Variants in TMED10 observed in about 807,000 individuals in gnomAD.
The protein encoded by TMED10 is transmembrane emp24 domain-containing protein 10.
A neutral mutation model predicts 23.1 loss-of-function variants in TMED10; 7 were observed. The observed-to-expected ratio is 0.30, with a 90% confidence interval of 0.17 to 0.57. The LOEUF (loss-of-function observed/expected upper bound fraction) is 0.57, where lower values mean the gene tolerates loss of function less well. Ranked by LOEUF, TMED10 falls within the 20% of genes least tolerant of loss-of-function variation. TMED10 has a pLI of 0.91. For missense variants in TMED10, 162 were observed against 274.8 expected (o/e 0.59, Z 2.90); for synonymous variants, 113 against 106.9 (o/e 1.06, Z -0.35).
chr14:75,144,148 G>C (rs1026557312), intron 3 of TMED10, among the ~76,000 whole-genome samples: 4 of 152,218 alleles, frequency 2.6e-5, no homozygotes, highest in Non-Finnish European at 5.9e-5. Context: ...CAGCCCAGGA[G>C]TTAGAAGATG....
rs11540573 is a variant in TMED10 at position 75,152,077 on chromosome 14, T to C, written c.292A>G (p.Thr98Ala). 9 of 1,614,056 alleles carry C rather than the reference T, an allele frequency of 5.6e-6. No individual in the cohort carries two copies. The East Asian group carries it at 2.0e-4, about 36-fold the overall frequency. The part of the protein sequence containing the change: ...EDATKGKFAF[T>A]TEDYDMFEVC... ...TCAAACATGTCATAATCTTCAGTGG[T>C]AAAGGCAAATTTCCCCTTGGTTGCA... Residue 98 changes from threonine to alanine, a missense_variant, in exon 2 of 5, where the codon ACC becomes GCC. By Grantham distance (58) the Thr-to-Ala change is moderately conservative. Coordinates refer to ENST00000303575, the MANE Select transcript of TMED10 (RefSeq NM_006827.6).
intron 1 of TMED10, among the ~76,000 whole-genome samples, chr14:75,172,489 T>G (rs1026504772): frequency 7.2e-5 from 11 of 152,072 alleles, no homozygotes; most frequent in African/African-American, 1.9e-4. Flanking sequence ...TTTAAATTTT[T>G]AGTAGAGACG....
chr14:75,146,294 C>T (rs1228489791), intron 3 of TMED10, among the ~76,000 whole-genome samples: 1 of 152,182 alleles, frequency 6.6e-6, no homozygotes, highest in Non-Finnish European at 1.5e-5. Context: ...CTTCCTGTTG[C>T]AGAATTAACC....
Position 75,134,510 on chromosome 14 carries a change from A to C in TMED10, c.*375T>G, listed in dbSNP as rs1212446078. On this transcript the variant is annotated 3_prime_UTR_variant, in exon 5 of 5. Coordinates refer to ENST00000303575, the MANE Select transcript of TMED10 (RefSeq NM_006827.6). The stretch of plus-strand genomic sequence containing the variant: ...ACAAAAATCTTGGTAAAAGAACTAG[A>C]ATGGAAGCCCAAGCTGCTGAGCAAG... The C allele has an allele frequency of 6.0e-6, 1 of 167,260 alleles. No homozygotes were observed. The highest frequency in any genetic ancestry group is 1.6e-4 in the East Asian group (1 of 6,162). The allele number at this position is 167,260 out of a possible 1,614,324, so 10.4% of individuals were successfully genotyped here.
At chr14:75,168,098 G>A (rs1379226868) in intron 1 of TMED10, among the ~76,000 whole-genome samples, 1 of 152,040 alleles carries the variant, frequency 6.6e-6, no homozygotes, top group Non-Finnish European at 1.5e-5. Context: ...AATCTTTGCA[G>A]GAGAGGACCA....
rs1491353231 is a variant in TMED10, at chr14:75,147,185, G to GTTTTTTTTTTGTTTT, written c.411+478_411+479insAAAACAAAAAAAAAA. Among the ~76,000 whole-genome samples, 373 of 116,584 alleles carry GTTTTTTTTTTGTTTT rather than the reference G, an allele frequency of 3.2e-3. 11 individuals are homozygous for GTTTTTTTTTTGTTTT. Among genetic ancestry groups the GTTTTTTTTTTGTTTT allele is most frequent in the African/African-American group, 0.014 (361 of 26,258 alleles). The allele number at this position is 116,584 out of a possible 152,430, so 76.5% of individuals were successfully genotyped here. A position where few individuals can be genotyped will look rare whatever the true frequency, so the allele number is the denominator to read the frequency against. On this transcript the variant is annotated intron_variant, in intron 3 of 4. Transcript: ENST00000303575. ...ACAGCCAGAATTATTCTTCAAGGCT[G>GTTTTTTTTTTGTTTT]TTTTTTTTTTTTTTTTTTTTTGAGA... is the stretch of plus-strand genomic sequence containing the variant.
At chr14:75,151,366 C>T (rs1483057331) in intron 2 of TMED10, among the ~76,000 whole-genome samples, 2 of 151,676 alleles carry the variant, frequency 1.3e-5, no homozygotes, top group Non-Finnish European at 2.9e-5. Context: ...GTTACAGGCA[C>T]GAGCCACCAT....
intron 3 of TMED10, among the ~76,000 whole-genome samples, chr14:75,145,731 G>A (rs1895875441): frequency 6.6e-6 from 1 of 152,146 alleles, no homozygotes; most frequent in African/African-American, 2.4e-5. Flanking sequence ...AGCTTGCAGT[G>A]AGCAGAGATC....
chr14:75,151,886 G>T, intron 2 of TMED10, 146 bp downstream of exon 2: 1 of 663,036 alleles, frequency 1.5e-6, no homozygotes. Context: ...CTTTTAAAAG[G>T]TGCTCCAAAG....
chr14:75,163,625 C>A (rs1327156042), intron 1 of TMED10, among the ~76,000 whole-genome samples: 2 of 146,866 alleles, frequency 1.4e-5, no homozygotes, highest in African/African-American at 5.0e-5. Context: ...AGAGACCATA[C>A]AACATAGTAC....
In TMED10 at chr14:75,138,332, C is replaced by T. The variant is rs528520495; in HGVS notation, c.412-2446G>A. On this transcript the variant is annotated intron_variant, in intron 3 of 4. Coordinates refer to ENST00000303575, the MANE Select transcript of TMED10 (RefSeq NM_006827.6). ...ATGATACACCTACAGTTTTCTCTCACCAGAAGCACATTTTCTTGCGTTTGT... is the reference window on the plus strand; with the variant it reads ...ATGATACACCTACAGTTTTCTCTCATCAGAAGCACATTTTCTTGCGTTTGT... Among the ~76,000 whole-genome samples the T allele has an allele frequency of 3.3e-5, 5 of 152,326 alleles. No individual in the cohort carries two copies. In the South Asian group the frequency reaches 1.0e-3, roughly 32 times the overall value.
chr14:75,140,400 G>C (rs1895807665), intron 3 of TMED10, among the ~76,000 whole-genome samples: 1 of 151,674 alleles, frequency 6.6e-6, no homozygotes, highest in Admixed American at 6.6e-5. Context: ...GGCCTGGCCT[G>C]TTTATTTTTA....
At chr14:75,148,088 A>G (rs1389638833) in intron 2 of TMED10, among the ~76,000 whole-genome samples, 2 of 152,080 alleles carry the variant, frequency 1.3e-5, no homozygotes, top group Admixed American at 6.6e-5. Flanking sequence ...TCAAAAATCA[A>G]AACAGTGTGA....
At chr14:75,135,736 AG>A in intron 4 of TMED10, 23 bp downstream of exon 4, 1 of 1,610,442 alleles carries the variant, frequency 6.2e-7, no homozygotes, top group Non-Finnish European at 8.5e-7. Flanking sequence ...TCACTTAAGA[AG>A]TAAGAGTCGC....
chr14:75,137,674 CA>C (rs758096473), intron 3 of TMED10, among the ~76,000 whole-genome samples: 1,610 of 112,340 alleles, frequency 0.014, 16 homozygotes, highest in African/African-American at 0.019. Flanking sequence ...GACTCCATCT[CA>C]AAAAAAAAAA....
At chr14:75,135,230 C>CA (rs749893631) in intron 4 of TMED10, among the ~76,000 whole-genome samples, 1 of 152,024 alleles carries the variant, frequency 6.6e-6, no homozygotes, top group Non-Finnish European at 1.5e-5. Context: ...GCAGGCAGAT[C>CA]ATGAAGTCAG....
chr14:75,134,776 G>C lies in TMED10; in HGVS notation c.*109C>G, dbSNP rs1895727312. On this transcript the variant is annotated 3_prime_UTR_variant, in exon 5 of 5. Coordinates refer to ENST00000303575, the MANE Select transcript of TMED10 (RefSeq NM_006827.6). ...AAAAGAGATCAGTTCTGGCAAGAAA[G>C]CTCCAACGTGCCTTGATGGTGCTGT... The C allele has an allele frequency of 1.4e-6, 2 of 1,468,588 alleles. No individual in the cohort carries two copies. Among genetic ancestry groups the C allele is most frequent in the South Asian group, 2.4e-5 (2 of 83,268 alleles). The allele number at this position is 1,468,588 out of a possible 1,614,324, so 91.0% of individuals were successfully genotyped here. A position where few individuals can be genotyped will look rare whatever the true frequency, so the allele number is the denominator to read the frequency against.
rs1452517255 is a variant in TMED10, at chr14:75,133,156, T to G, written c.*1729A>C. ...GGAACACTGAAGGACAGGAATTAAGTAAGTGACTGGCCATGCAAGGGTTGG... is the reference window on the plus strand; with the variant it reads ...GGAACACTGAAGGACAGGAATTAAGGAAGTGACTGGCCATGCAAGGGTTGG... On this transcript the variant is annotated 3_prime_UTR_variant, in exon 5 of 5. Transcript: ENST00000303575. 6.6e-6 allele frequency: 1 copy of G among 152,162 alleles called. No homozygotes were observed. The highest frequency in any genetic ancestry group is 6.5e-5 in the Admixed American group (1 of 15,270). The allele number at this position is 152,162 out of a possible 1,614,324, so 9.4% of individuals were successfully genotyped here.
At position 75,132,460 on chromosome 14, in the gene TMED10, C is replaced by A. The variant is rs1895699237; in HGVS notation, c.*2425G>T. ...ATTATTTTCTCTACTTGGATGCATC[C>A]TCTGTAACTTAGTATATGTAATACT... On this transcript the variant is annotated 3_prime_UTR_variant, in exon 5 of 5. Coordinates refer to ENST00000303575, the MANE Select transcript of TMED10 (RefSeq NM_006827.6). 6.8e-6 allele frequency: 1 copy of A among 147,672 alleles called. No homozygotes were observed. The highest frequency in any genetic ancestry group is 1.5e-5 in the Non-Finnish European group (1 of 66,942). 9.1% of individuals were successfully genotyped at this position (147,672 alleles called of 1,614,324 possible).
Sources: gnomAD v4.1 joint callset for allele counts (sites outside exome capture counted in the v4.1 genomes callset) on GRCh38, gnomAD v4.1.1 for gene constraint, MANE v1.5 for transcripts, NCBI Gene and HGNC (gene_info 2026-07-23, HGNC 2026-07-21) for gene names.